VANGL2: variants seen among roughly 807,000 people sequenced by gnomAD.
VANGL2 encodes the protein vang-like protein 2.
Under a neutral mutation model 50.2 loss-of-function variants are expected in VANGL2, and 14 were observed. That is an observed-to-expected ratio of 0.28 (90% CI 0.18 to 0.44). VANGL2 has a LOEUF of 0.44. VANGL2 is among the 20% of genes least tolerant of loss of function. The pLI, the probability that VANGL2 is intolerant of heterozygous loss-of-function variation, is 1.00. For missense variants in VANGL2, 533 were observed against 701.5 expected (o/e 0.76, Z 2.71); for synonymous variants, 295 against 297.2 (o/e 0.99, Z 0.08).
chr1:160,407,214 G>A (rs1177815220), intron 1 of VANGL2, among the ~76,000 whole-genome samples: 5 of 152,230 alleles, frequency 3.3e-5, no homozygotes, highest in African/African-American at 4.8e-5. Flanking sequence ...TCAGCAAAGA[G>A]TGAGAATCTC....
intron 1 of VANGL2, among the ~76,000 whole-genome samples, chr1:160,401,312 G>T (rs1258446342): frequency 6.6e-6 from 1 of 152,138 alleles, no homozygotes; most frequent in African/African-American, 2.4e-5. Flanking sequence ...TCAGGAGCGT[G>T]GGGAGGGACG....
rs905602518 is a variant in VANGL2, at chr1:160,426,137, C to T, written c.*759C>T. On this transcript the variant is annotated 3_prime_UTR_variant, in exon 8 of 8. Coordinates refer to ENST00000368061, the MANE Select transcript of VANGL2 (RefSeq NM_020335.3). ...GGTACCTTTCTTCCAATGTGTCTTC[C>T]TAGGCAGCCCCTGAGGAGGAGGGCT... 1 of 152,188 alleles carries T rather than the reference C, an allele frequency of 6.6e-6. No individual in the cohort carries two copies. The highest frequency in any genetic ancestry group is 1.5e-5 in the Non-Finnish European group (1 of 68,026). The allele number at this position is 152,188 out of a possible 1,614,324, so 9.4% of individuals were successfully genotyped here.
At chr1:160,407,025 G>A (rs1423777092) in intron 1 of VANGL2, among the ~76,000 whole-genome samples, 1 of 152,198 alleles carries the variant, frequency 6.6e-6, no homozygotes, top group Non-Finnish European at 1.5e-5. Context: ...ACCACGCCCG[G>A]CCCAGGGGGT....
chr1:160,419,161 C>T lies in VANGL2; in HGVS notation c.352C>T (p.Leu118=). Residue 118 remains leucine, a synonymous_variant, in exon 4 of 8, where the codon CTG becomes TTG. Transcript: ENST00000368061. This position sits in a 1 kb window ranked among gnomAD's most constrained non-coding sequence, Gnocchi z 5.8. ...GVAAGATLAL[L]SFLTPLAFLL... ...GGCAGCGGGGGCCACCCTGGCACTG[C>T]TGTCTTTCCTCACGCCTCTGGCCTT... The T allele has an allele frequency of 6.2e-7, 1 of 1,614,074 alleles. No homozygotes were observed. The highest frequency in any genetic ancestry group is 1.1e-5 in the South Asian group (1 of 91,088).
rs961912430 is a variant in VANGL2, at chr1:160,420,317, T to G, written c.801-94T>G. On this transcript the variant is annotated intron_variant, in intron 4 of 7. Coordinates refer to ENST00000368061, the MANE Select transcript of VANGL2 (RefSeq NM_020335.3). ...AGCAGCTTGTCCCTGTCCTGTGTCCTCTCCTGCCCTGCCAACCTGCCCTAA... is the reference window on the plus strand; with the variant it reads ...AGCAGCTTGTCCCTGTCCTGTGTCCGCTCCTGCCCTGCCAACCTGCCCTAA... 4 of 1,535,526 alleles carry G rather than the reference T, an allele frequency of 2.6e-6. No homozygotes were observed. The Admixed American group carries it at 5.0e-5, about 19-fold the overall frequency.
rs1317359134 is a variant in VANGL2, at chr1:160,414,133, G to A, written c.-190-1515G>A. On this transcript the variant is annotated intron_variant, in intron 1 of 7. Coordinates refer to ENST00000368061, the MANE Select transcript of VANGL2 (RefSeq NM_020335.3). ...TTAGCAAGCCTGTACTACTGCAGTC[G>A]CCTCCTTATTGATCTCCCTGTTTCT... Among the ~76,000 whole-genome samples, 3 of 152,140 alleles carry A rather than the reference G, an allele frequency of 2.0e-5. No homozygotes were observed. The South Asian group carries it at 6.2e-4, about 31-fold the overall frequency.
rs940748787 is a variant in VANGL2, at chr1:160,419,271, C to T, written c.462C>T (p.Phe154=). The T allele has an allele frequency of 3.1e-6, 5 of 1,607,782 alleles. No homozygotes were observed. The highest frequency in any genetic ancestry group is 4.2e-6 in the Non-Finnish European group (5 of 1,179,988). Reference sequence around the variant, plus strand: ...AGGGCCTCTTCATCTCTGTCGCCTTCAAGCTGCTCATCCTGCTACTGGGCA... The same window carrying T: ...AGGGCCTCTTCATCTCTGTCGCCTTTAAGCTGCTCATCCTGCTACTGGGCA... ...ACEGLFISVA[F]KLLILLLGSW... Residue 154 remains phenylalanine, a synonymous_variant, in exon 4 of 8, where the codon TTC becomes TTT. Coordinates refer to ENST00000368061, the MANE Select transcript of VANGL2 (RefSeq NM_020335.3). This position sits in a 1 kb window ranked among gnomAD's most constrained non-coding sequence, Gnocchi z 5.8.
chr1:160,425,009 AG>A, intron 7 of VANGL2, 108 bp from the exon 8 acceptor site: 2 of 1,495,684 alleles, frequency 1.3e-6, no homozygotes, highest in Non-Finnish European at 9.3e-7. Flanking sequence ...TCATATGCAT[AG>A]AGTGAGCTCA....
chr1:160,416,627 G>T (rs545608684), intron 3 of VANGL2, among the ~76,000 whole-genome samples: 1 of 152,258 alleles, frequency 6.6e-6, no homozygotes, highest in African/African-American at 2.4e-5. Flanking sequence ...GCGTCACCTA[G>T]ATCTTGGGAA....
chr1:160,421,091 T>G lies in VANGL2; in HGVS notation c.977T>G (p.Val326Gly). ...AACTCCACTGGCCAGTCTCGGGCTG[T>G]GATTGCAGCGGCAGCTCGGAGGCGG... The part of the protein sequence containing the change: ...TNNSTGQSRA[V>G]IAAAARRRDN... Residue 326 changes from valine (V) to glycine (G), a missense_variant, in exon 6 of 8, where the codon GTG (valine) becomes GGG (glycine). Coordinates refer to ENST00000368061, the MANE Select transcript of VANGL2 (RefSeq NM_020335.3). 1 of 1,614,120 alleles carries G rather than the reference T, an allele frequency of 6.2e-7. No homozygotes were observed. Among genetic ancestry groups the G allele is most frequent in the Non-Finnish European group, 8.5e-7 (1 of 1,180,024 alleles).
intron 1 of VANGL2, among the ~76,000 whole-genome samples, chr1:160,407,049 G>T (rs1292793356): frequency 6.6e-6 from 1 of 152,162 alleles, no homozygotes; most frequent in Non-Finnish European, 1.5e-5. Context: ...GTTTTTTAGG[G>T]TAAGTAGGGT....
rs1164024208 is a variant in VANGL2 at position 160,421,127 on chromosome 1, A to G, written c.1013A>G (p.His338Arg). 6.2e-7 allele frequency: 1 copy of G among 1,614,150 alleles called. No individual in the cohort carries two copies. Among genetic ancestry groups the G allele is most frequent in the Non-Finnish European group, 8.5e-7 (1 of 1,180,042 alleles). Residue 338 changes from histidine to arginine, a missense_variant, in exon 6 of 8, where the codon CAC becomes CGC. Coordinates refer to ENST00000368061, the MANE Select transcript of VANGL2 (RefSeq NM_020335.3). ...AAAARRRDNS[H>R]NEYYYEEAEH... is the part of the protein sequence containing the mutation. ...GCAGCTCGGAGGCGGGACAACAGTC[A>G]CAATGAGTACTACTATGAGGAGGCT...
intron 3 of VANGL2, among the ~76,000 whole-genome samples, chr1:160,416,483 T>G (rs1229397470): frequency 6.6e-6 from 1 of 152,124 alleles, no homozygotes; most frequent in African/African-American, 2.4e-5. Context: ...CGCCAGCCAG[T>G]CAGGCCCGCT....
intron 1 of VANGL2, among the ~76,000 whole-genome samples, chr1:160,410,364 G>A (rs1221505106): frequency 1.3e-5 from 2 of 151,814 alleles, no homozygotes; most frequent in African/African-American, 2.4e-5. Context: ...CTTTTCTTCC[G>A]TGGCCTACTC....
chr1:160,406,853 C>T (rs560725206), intron 1 of VANGL2, among the ~76,000 whole-genome samples: 8 of 152,156 alleles, frequency 5.3e-5, no homozygotes, highest in Admixed American at 4.6e-4. Context: ...CTCAGCCTCC[C>T]GAATAGCTGG....
chr1:160,416,862 C>G (rs1352335966), intron 3 of VANGL2, among the ~76,000 whole-genome samples: 1 of 152,156 alleles, frequency 6.6e-6, no homozygotes, highest in Non-Finnish European at 1.5e-5. Context: ...TTGCCCAAGT[C>G]TCATTCCCCT....
Position 160,421,170 on chromosome 1 carries a change from G to A in VANGL2, c.1056G>A (p.Val352=), listed in dbSNP as rs1271371673. 1.9e-6 allele frequency: 3 copies of A among 1,613,736 alleles called. No individual in the cohort carries two copies. The highest frequency in any genetic ancestry group is 2.2e-5 in the East Asian group (1 of 44,882). ...YYEEAEHERR[V]RKRRARLVVA... ...AGGAGGCTGAGCATGAGCGAAGGGT[G>A]CGCAAGAGGAGGGCCAGGTGGGTCC... Residue 352 remains valine, a synonymous_variant, in exon 6 of 8, where the codon GTG becomes GTA. Transcript: ENST00000368061.
chr1:160,421,171 C>A lies in VANGL2; in HGVS notation c.1057C>A (p.Arg353Ser). The change falls in exon 6 of 8, where the codon CGC (arginine) becomes AGC (serine). Residue 353 changes from arginine to serine, a missense_variant. By Grantham distance (110) the Arg-to-Ser change is moderately radical (BLOSUM62 -1). Transcript: ENST00000368061. The stretch of plus-strand genomic sequence containing the variant: ...GGAGGCTGAGCATGAGCGAAGGGTG[C>A]GCAAGAGGAGGGCCAGGTGGGTCCC... ...YEEAEHERRV[R>S]KRRARLVVAV... The A allele has an allele frequency of 1.9e-6, 3 of 1,613,468 alleles. No individual in the cohort carries two copies. The highest frequency in any genetic ancestry group is 2.5e-6 in the Non-Finnish European group (3 of 1,180,004).
intron 4 of VANGL2, among the ~76,000 whole-genome samples, 199 bp from the exon 5 acceptor site, chr1:160,420,212 G>T (rs575721616): frequency 3.9e-4 from 60 of 152,246 alleles, no homozygotes; most frequent in Non-Finnish European, 6.5e-4. Context: ...GCATGGTGGG[G>T]AGGGACTGGC....
Sources: allele counts gnomAD v4.1 joint callset (sites outside exome capture counted in the v4.1 genomes callset), GRCh38; gene constraint gnomAD v4.1.1; non-coding constraint Gnocchi (gnomAD v3.1); transcripts MANE v1.5; gene names NCBI Gene and HGNC (gene_info 2026-07-23, HGNC 2026-07-21).